CHST11: variants seen among roughly 807,000 people sequenced by gnomAD.
CHST11 encodes C4S-1.
CHST11 carries 9 observed loss-of-function variants against 30.4 expected under a neutral mutation model. The observed-to-expected ratio is 0.30, with a 90% CI of 0.18 to 0.52. The LOEUF is 0.52. Among genes scored for constraint, CHST11 ranks in the 20% least tolerant of loss-of-function variants. CHST11 has a pLI of 0.97. For synonymous variants in CHST11, 152 were observed against 187.8 expected (o/e 0.81, Z 1.56); for missense variants, 348 against 460.6 (o/e 0.76, Z 2.24).
At chr12:104,668,735 G>A (rs960699061) in intron 2 of CHST11, among the ~76,000 whole-genome samples, 4 of 152,148 alleles carry the variant, frequency 2.6e-5, no homozygotes, top group South Asian at 2.1e-4. Flanking sequence ...GGGTCATGGC[G>A]GAAGAGGGAG....
chr12:104,487,939 T>C (rs915147128), intron 1 of CHST11, among the ~76,000 whole-genome samples: 1 of 151,930 alleles, frequency 6.6e-6, no homozygotes, highest in African/African-American at 2.4e-5. Flanking sequence ...GACAGAGCCT[T>C]ACTTTGTTTT....
intron 2 of CHST11, among the ~76,000 whole-genome samples, chr12:104,726,531 G>A (rs1236942851): frequency 1.3e-5 from 2 of 152,174 alleles, no homozygotes; most frequent in African/African-American, 2.4e-5. Context: ...GGAAATCCCA[G>A]TGATCATGGA....
chr12:104,595,041 A>G (rs2038894493), intron 1 of CHST11, among the ~76,000 whole-genome samples: 1 of 152,188 alleles, frequency 6.6e-6, no homozygotes, highest in Admixed American at 6.5e-5. Flanking sequence ...GAGAGCTTCA[A>G]GGTGCCTCTG....
At chr12:104,611,367 T>C (rs1321219800) in intron 2 of CHST11, among the ~76,000 whole-genome samples, 2 of 152,240 alleles carry the variant, frequency 1.3e-5, no homozygotes, top group Non-Finnish European at 2.9e-5. Context: ...GGCTTGTGAC[T>C]GCTGTCTTGG....
intron 1 of CHST11, among the ~76,000 whole-genome samples, chr12:104,598,066 C>T (rs1420902392): frequency 1.3e-5 from 2 of 152,180 alleles, no homozygotes; most frequent in South Asian, 4.1e-4. Context: ...AACTGCTTGG[C>T]GAAGCATTGG....
chr12:104,683,281 C>T (rs1319142052), intron 2 of CHST11, among the ~76,000 whole-genome samples: 1 of 152,000 alleles, frequency 6.6e-6, no homozygotes, highest in Non-Finnish European at 1.5e-5. Context: ...GCTCCCCACC[C>T]CAAAACAGAG....
chr12:104,691,197 C>T (rs149961511), intron 2 of CHST11, among the ~76,000 whole-genome samples: 19 of 152,220 alleles, frequency 1.2e-4, no homozygotes, highest in Non-Finnish European at 1.8e-4. Context: ...CAATAAGGCA[C>T]GGGAAGGGTT....
chr12:104,488,737 ACGCGTGTGTGTG>A lies in CHST11; in HGVS notation c.118+31209_118+31220del, dbSNP rs1173540448. On this transcript the variant is annotated intron_variant, in intron 1 of 2. Coordinates refer to ENST00000303694, the MANE Select transcript of CHST11 (RefSeq NM_018413.6). ...TGTGTGCGTGTATGTGTGTATGTGT[ACGCGTGTGTGTG>A]TGTGTGTGTGTGTGTGTGTGTGTCT... is the stretch of plus-strand genomic sequence containing the variant. Among the ~76,000 whole-genome samples the A allele has an allele frequency of 4.2e-3, 337 of 80,436 alleles. 2 individuals are homozygous for A. The highest frequency in any genetic ancestry group is 0.017 in the African/African-American group (317 of 18,164). The allele number at this position is 80,436 out of a possible 152,430, so 52.8% of individuals were successfully genotyped here. A position where few individuals can be genotyped will look rare whatever the true frequency, so the allele number is the denominator to read the frequency against.
intron 2 of CHST11, among the ~76,000 whole-genome samples, chr12:104,636,486 T>C (rs986645631): frequency 6.6e-6 from 1 of 152,258 alleles, no homozygotes; most frequent in Non-Finnish European, 1.5e-5. Flanking sequence ...TTAGGTGCGC[T>C]CTGGTACCGT....
At chr12:104,583,731 AG>A (rs10708406) in intron 1 of CHST11, among the ~76,000 whole-genome samples, 151,851 of 151,864 alleles carry the variant, frequency 1, 75,919 homozygotes, top group Middle Eastern at 1. Flanking sequence ...CTTTTTTTTG[AG>A]GATGGAGTCT....
At chr12:104,472,268 G>A (rs192461207) in intron 1 of CHST11, among the ~76,000 whole-genome samples, 12 of 151,446 alleles carry the variant, frequency 7.9e-5, no homozygotes, top group East Asian at 1.9e-4. Flanking sequence ...CATTGCGCCC[G>A]CCCCTTCCAT....
intron 2 of CHST11, among the ~76,000 whole-genome samples, chr12:104,669,617 T>C (rs2039672447): frequency 6.6e-6 from 1 of 152,212 alleles, no homozygotes; most frequent in South Asian, 2.1e-4. Flanking sequence ...ACTGTGTTTC[T>C]AACTCATGCG....
intron 2 of CHST11, among the ~76,000 whole-genome samples, chr12:104,735,526 G>A (rs954345063): frequency 3.9e-5 from 6 of 152,200 alleles, no homozygotes; most frequent in African/African-American, 7.2e-5. Context: ...TGGGTCATCC[G>A]AGACATCATC....
intron 1 of CHST11, among the ~76,000 whole-genome samples, chr12:104,596,463 A>G (rs1481339367): frequency 2.6e-5 from 4 of 152,174 alleles, no homozygotes; most frequent in Non-Finnish European, 1.5e-5. Context: ...GAGGGAAGTG[A>G]CAGTCCAAAA....
chr12:104,648,432 G>T (rs562697444), intron 2 of CHST11, among the ~76,000 whole-genome samples: 1 of 152,284 alleles, frequency 6.6e-6, no homozygotes, highest in East Asian at 1.9e-4. Context: ...TGAAGGGATG[G>T]TCATCGTGGT....
At chr12:104,480,218 A>T (rs2037606642) in intron 1 of CHST11, among the ~76,000 whole-genome samples, 1 of 151,666 alleles carries the variant, frequency 6.6e-6, no homozygotes, top group African/African-American at 2.4e-5. Flanking sequence ...CTCCAAATTC[A>T]TGTTCTTCCT....
rs377741073 is a variant in CHST11, at chr12:104,599,051, TG to T, written c.119-2852del. ...TAAAATGCAGGTACTTCCTTTACCGTGGGAAGGATCACACTGCACCGACTGC... is the reference window on the plus strand; with the variant it reads ...TAAAATGCAGGTACTTCCTTTACCGTGGAAGGATCACACTGCACCGACTGC... On this transcript the variant is annotated intron_variant, in intron 1 of 2. Coordinates refer to ENST00000303694, the MANE Select transcript of CHST11 (RefSeq NM_018413.6). Among the ~76,000 whole-genome samples the T allele has an allele frequency of 3.4e-3, 516 of 152,310 alleles. 3 individuals are homozygous for T. Among genetic ancestry groups the T allele is most frequent in the African/African-American group, 0.012 (496 of 41,568 alleles).
intron 1 of CHST11, 83 bp downstream of exon 1, chr12:104,457,612 C>G: frequency 1.0e-6 from 1 of 988,414 alleles, no homozygotes. Context: ...TCTGCCTCTT[C>G]CAACCCTACC....
intron 2 of CHST11, among the ~76,000 whole-genome samples, chr12:104,717,043 C>T (rs2040137016): frequency 6.6e-6 from 1 of 152,216 alleles, no homozygotes; most frequent in Non-Finnish European, 1.5e-5. Flanking sequence ...CCCTGCCTCC[C>T]TCTTCCACGT....
Sources: allele counts gnomAD v4.1 joint callset (sites outside exome capture counted in the v4.1 genomes callset), GRCh38; gene constraint gnomAD v4.1.1; transcripts MANE v1.5; gene names NCBI Gene and HGNC (gene_info 2026-07-23, HGNC 2026-07-21).